The following CUL1 variants were observed in gnomAD, a reference collection of about 807,000 sequenced individuals.
CUL1 encodes cullin-1.
A neutral mutation model predicts 118.0 loss-of-function variants in CUL1; 24 were observed. The ratio of observed to expected loss-of-function variants is 0.20; its 90% CI spans 0.15 to 0.29. CUL1 has a LOEUF of 0.29. CUL1 is among the 10% of genes least tolerant of loss of function. The pLI is 1.00. For synonymous variants in CUL1, 332 were observed against 340.4 expected, an observed-to-expected ratio of 0.98 and a Z score of 0.27; for missense variants, 361 against 933.8, an observed-to-expected ratio of 0.39 and a Z score of 7.99.
At chr7:148,773,488 G>T (rs1052789766) in intron 9 of CUL1, among the ~76,000 whole-genome samples, 13 of 152,138 alleles carry the variant, frequency 8.5e-5, no homozygotes, top group African/African-American at 3.1e-4. Context: ...TCCTGTCACT[G>T]CACCATGGGT....
chr7:148,698,238 G>C (rs982568689), upstream of CUL1: 1 of 152,268 alleles, frequency 6.6e-6, no homozygotes, highest in African/African-American at 2.4e-5. Context: ...GCAACCCCCA[G>C]TCCCTGTCCC....
chr7:148,787,727 A>ACTTCCACACTGTGCTGGC lies in CUL1; in HGVS notation c.1479+610_1479+627dup, dbSNP rs1358972676. ...ACCTTTAGCCTTGCAGCACATTCACACTTCCACACTGTGCTGGCCTGGAGC... is the reference window on the plus strand; with the variant it reads ...ACCTTTAGCCTTGCAGCACATTCACACTTCCACACTGTGCTGGCCTTCCACACTGTGCTGGCCTGGAGC... On this transcript the variant is annotated intron_variant, in intron 13 of 21. Coordinates refer to ENST00000325222, the MANE Select transcript of CUL1 (RefSeq NM_003592.3). The surrounding 1 kb of genome is among the most constrained non-coding windows in gnomAD (Gnocchi z 5.5). Among the ~76,000 whole-genome samples, 17 of 151,552 alleles carry ACTTCCACACTGTGCTGGC rather than the reference A, an allele frequency of 1.1e-4. No homozygotes were observed. The highest frequency in any genetic ancestry group is 4.1e-4 in the African/African-American group (17 of 41,232).
intron 2 of CUL1, among the ~76,000 whole-genome samples, chr7:148,744,397 AGTGT>A (rs56093418): frequency 0.19 from 27,974 of 143,786 alleles, 2,689 homozygotes; most frequent in South Asian, 0.31. Flanking sequence ...TTGTTTCTGC[AGTGT>A]GTGTGTGTGT....
intron 9 of CUL1, among the ~76,000 whole-genome samples, chr7:148,772,666 G>A (rs760537504): frequency 9.9e-5 from 15 of 152,138 alleles, no homozygotes; most frequent in Non-Finnish European, 1.6e-4. Flanking sequence ...TCACATCTCC[G>A]TGACCTCATC....
At chr7:148,749,415 C>CAAAAAA (rs61460309) in intron 2 of CUL1, among the ~76,000 whole-genome samples, 81 of 56,356 alleles carry the variant, frequency 1.4e-3, no homozygotes, top group Middle Eastern at 0.019. Context: ...GACTCCATCT[C>CAAAAAA]AAAAAAAAAA....
chr7:148,766,476 A>C (rs1800011272), intron 7 of CUL1, 85 bp from the exon 8 acceptor site: 1 of 1,162,510 alleles, frequency 8.6e-7, no homozygotes. Context: ...GCCATTTTTC[A>C]GTTTCCTTTA....
At chr7:148,756,839 T>C (rs934848868) in intron 3 of CUL1, 144 bp from the exon 4 acceptor site, 19 of 450,932 alleles carry the variant, frequency 4.2e-5, no homozygotes, top group Non-Finnish European at 6.1e-5. Context: ...TATTAGCATG[T>C]TTTTGTATAC....
intron 11 of CUL1, among the ~76,000 whole-genome samples, chr7:148,786,064 G>A (rs987074101): frequency 6.6e-6 from 1 of 152,166 alleles, no homozygotes; most frequent in Non-Finnish European, 1.5e-5. Flanking sequence ...TGAATCAGTT[G>A]TTAAAGGACA....
At chr7:148,793,587 T>C (rs1323260917) in intron 17 of CUL1, among the ~76,000 whole-genome samples, 10 of 152,240 alleles carry the variant, frequency 6.6e-5, no homozygotes, top group Admixed American at 6.5e-4. Context: ...CAGTGTATAC[T>C]GTTTGCAAGG....
chr7:148,771,251 A>T (rs750365045), intron 9 of CUL1, among the ~76,000 whole-genome samples: 1 of 152,250 alleles, frequency 6.6e-6, no homozygotes, highest in Non-Finnish European at 1.5e-5. Flanking sequence ...TTGGTTAGAA[A>T]ACCAGCTTTA....
chr7:148,734,621 GA>G (rs1798878630), intron 2 of CUL1, among the ~76,000 whole-genome samples: 2 of 152,174 alleles, frequency 1.3e-5, no homozygotes, highest in South Asian at 4.1e-4. Context: ...CTTTCCTTTT[GA>G]ATTTGAAATA....
At chr7:148,704,818 T>C (rs1797833350) in intron 1 of CUL1, among the ~76,000 whole-genome samples, 1 of 150,262 alleles carries the variant, frequency 6.7e-6, no homozygotes, top group Admixed American at 6.6e-5. Flanking sequence ...TAGGTTATTA[T>C]TTTTTTTTTC....
chr7:148,705,026 C>CT (rs747742668), intron 1 of CUL1, among the ~76,000 whole-genome samples: 6 of 152,202 alleles, frequency 3.9e-5, no homozygotes, highest in Admixed American at 2.0e-4. Context: ...AAATATCTGA[C>CT]TTCCGTTGGG....
chr7:148,699,984 A>ATCT (rs1489819593), intron 1 of CUL1, among the ~76,000 whole-genome samples: 3 of 152,090 alleles, frequency 2.0e-5, no homozygotes, highest in African/African-American at 7.2e-5. Flanking sequence ...CAGACATAAG[A>ATCT]TAAGAAAGAG....
intron 1 of CUL1, among the ~76,000 whole-genome samples, chr7:148,713,144 G>T (rs921474632): frequency 6.6e-6 from 1 of 151,872 alleles, no homozygotes; most frequent in Admixed American, 6.6e-5. Flanking sequence ...ATGTAATACC[G>T]TTTTTTCTTG....
intron 1 of CUL1, among the ~76,000 whole-genome samples, chr7:148,719,088 G>T (rs1210143909): frequency 6.6e-6 from 1 of 152,140 alleles, no homozygotes; most frequent in African/African-American, 2.4e-5. Context: ...GAGGCGGGCG[G>T]ATCACGAGTT....
intron 1 of CUL1, among the ~76,000 whole-genome samples, chr7:148,706,330 G>C (rs1797881553): frequency 6.6e-6 from 1 of 152,172 alleles, no homozygotes; most frequent in South Asian, 2.1e-4. Context: ...CTCCCTAGCT[G>C]CTTGCCCTCA....
intron 15 of CUL1, 98 bp downstream of exon 15, chr7:148,789,924 C>T: frequency 9.0e-7 from 1 of 1,115,050 alleles, no homozygotes; most frequent in Non-Finnish European, 1.4e-6. Context: ...GATGGCCTTC[C>T]TGCTGGCTGG....
At chr7:148,738,836 A>G (rs1430371541) in intron 2 of CUL1, among the ~76,000 whole-genome samples, 1 of 152,024 alleles carries the variant, frequency 6.6e-6, no homozygotes, top group East Asian at 1.9e-4. Flanking sequence ...ATAACTTTAG[A>G]TGTGACCATT....
Sources: gnomAD v4.1 joint callset for allele counts (sites outside exome capture counted in the v4.1 genomes callset) on GRCh38, gnomAD v4.1.1 for gene constraint, Gnocchi (gnomAD v3.1) non-coding constraint, MANE v1.5 for transcripts, NCBI Gene and HGNC (gene_info 2026-07-23, HGNC 2026-07-21) for gene names.